The following GLI2 variants were observed in gnomAD, a reference collection of about 807,000 sequenced individuals.
GLI2 encodes the protein transcription activator GLI2.
A neutral mutation model predicts 78.9 loss-of-function variants in GLI2; 22 were observed. The ratio of observed to expected loss-of-function variants is 0.28; its 90% CI spans 0.20 to 0.40. The LOEUF is 0.40. GLI2 is among the 10% of genes least tolerant of loss of function. The pLI, the probability that GLI2 is intolerant of heterozygous loss-of-function variation, is 1.00. For synonymous variants in GLI2, 974 were observed against 963.7 expected (o/e 1.01, Z -0.20); for missense variants, 2,097 against 2,213.2 (o/e 0.95, Z 1.05).
chr2:120,866,088 T>C (rs942101788), intron 2 of GLI2, among the ~76,000 whole-genome samples: 2 of 152,250 alleles, frequency 1.3e-5, no homozygotes, highest in Admixed American at 6.5e-5. Context: ...GCTGATTTCT[T>C]GGCTTAAGAT....
rs558340192 is a variant in GLI2 at position 120,936,027 on chromosome 2, G to A, written c.254+8561G>A. Reference sequence around the variant, plus strand: ...GGGCGTGCAGTGGGGGAGGGGCTGCGGCAGGATCGGGATGAACTATTCGGT... The same window carrying A: ...GGGCGTGCAGTGGGGGAGGGGCTGCAGCAGGATCGGGATGAACTATTCGGT... On this transcript the variant is annotated intron_variant, in intron 3 of 13. Coordinates refer to ENST00000361492, the MANE Select transcript of GLI2 (RefSeq NM_001374353.1). 2.7e-3 allele frequency among the ~76,000 whole-genome samples: 409 copies of A among 152,222 alleles called. 1 individual carries two copies. Among genetic ancestry groups the A allele is most frequent in the African/African-American group, 8.7e-3 (363 of 41,530 alleles).
In GLI2 at chr2:120,797,476, C is replaced by A; in HGVS notation, c.148+8C>A. The A allele has an allele frequency of 6.2e-7, 1 of 1,612,964 alleles. No individual in the cohort carries two copies. Among genetic ancestry groups the A allele is most frequent in the Non-Finnish European group, 8.5e-7 (1 of 1,179,072 alleles). ...CGGTAGCTGCCCAAGGAGGTACTTT[C>A]TGTTTCGCACACTTGGAGGGCAGCA... On this transcript the variant is annotated splice_region_variant and intron_variant, in intron 2 of 13. Transcript: ENST00000361492.
At chr2:120,859,452 CTTTTTTTTTTT>C (rs57311162) in intron 2 of GLI2, among the ~76,000 whole-genome samples, 8 of 125,480 alleles carry the variant, frequency 6.4e-5, no homozygotes, top group Non-Finnish European at 8.3e-5. Context: ...ATACTCCCTC[CTTTTTTTTTTT>C]TTTTTTTTTT....
chr2:120,756,417 A>AT (rs1558781746), intron 1 of GLI2, among the ~76,000 whole-genome samples: 1 of 151,854 alleles, frequency 6.6e-6, no homozygotes, highest in African/African-American at 2.4e-5. Flanking sequence ...CTTTTTGTAG[A>AT]TTTTGTCAGA....
intron 3 of GLI2, among the ~76,000 whole-genome samples, chr2:120,935,787 C>T (rs1212627971): frequency 6.6e-6 from 1 of 152,172 alleles, no homozygotes; most frequent in African/African-American, 2.4e-5. Flanking sequence ...CGCTGGGCTG[C>T]GTGGGACAGA....
chr2:120,738,603 TG>T (rs1682437971), intron 1 of GLI2, among the ~76,000 whole-genome samples: 1 of 152,204 alleles, frequency 6.6e-6, no homozygotes, highest in Admixed American at 6.5e-5. Flanking sequence ...AGCCTTCAGT[TG>T]GGCTAGCATC....
chr2:120,920,137 C>T (rs547322059), intron 2 of GLI2, among the ~76,000 whole-genome samples: 24 of 152,362 alleles, frequency 1.6e-4, no homozygotes, highest in African/African-American at 5.8e-4. Flanking sequence ...GGAGATGGTG[C>T]TAATCTCTAG....
chr2:120,768,535 C>T (rs898346969), intron 1 of GLI2, among the ~76,000 whole-genome samples: 3 of 152,234 alleles, frequency 2.0e-5, no homozygotes, highest in African/African-American at 4.8e-5. Flanking sequence ...ACTTGTTGCA[C>T]AATGAGGGGC....
intron 2 of GLI2, among the ~76,000 whole-genome samples, 177 bp from the exon 3 acceptor site, chr2:120,927,184 A>C (rs769694092): frequency 1.9e-4 from 29 of 152,240 alleles, no homozygotes; most frequent in Non-Finnish European, 4.4e-5. Flanking sequence ...ATTCTCGGGC[A>C]GACTTTGATT....
rs1338461307 is a variant in GLI2, at chr2:120,990,621, C to T, written c.4656C>T (p.Ser1552=). 1 of 1,613,504 alleles carries T rather than the reference C, an allele frequency of 6.2e-7. No individual in the cohort carries two copies. Among genetic ancestry groups the T allele is most frequent in the Non-Finnish European group, 8.5e-7 (1 of 1,179,724 alleles). ...GCAACATGGCTGTCGGGGACATGAG[C>T]TCCATGCTCACCAGCCTCGCCGAGG... ...GISNMAVGDM[S]SMLTSLAEES... The change falls in exon 14 of 14, where the codon AGC becomes AGT. Residue 1552 remains serine (S), a synonymous_variant. Coordinates refer to ENST00000361492, the MANE Select transcript of GLI2 (RefSeq NM_001374353.1).
intron 2 of GLI2, among the ~76,000 whole-genome samples, chr2:120,866,221 C>G (rs1428694823): frequency 1.3e-5 from 2 of 152,182 alleles, no homozygotes; most frequent in Non-Finnish European, 1.5e-5. Flanking sequence ...AGCTTGGCCA[C>G]AGTCAGAGGG....
chr2:120,770,395 TC>T (rs1310500844), intron 1 of GLI2, among the ~76,000 whole-genome samples: 2 of 152,158 alleles, frequency 1.3e-5, no homozygotes, highest in Admixed American at 1.3e-4. Flanking sequence ...CTGTCTGTCT[TC>T]CCAGTTGGAC....
At chr2:120,938,649 T>G (rs4848650) in intron 3 of GLI2, among the ~76,000 whole-genome samples, 127,531 of 152,276 alleles carry the variant, frequency 0.84, 57,514 homozygotes, top group East Asian at 1. Context: ...GTCCGGGTCT[T>G]TGATGGGAAC....
At chr2:120,905,176 G>C (rs1307450781) in intron 2 of GLI2, among the ~76,000 whole-genome samples, 2 of 152,122 alleles carry the variant, frequency 1.3e-5, no homozygotes, top group Non-Finnish European at 2.9e-5. Flanking sequence ...CTGCAGTGAG[G>C]GGCTGTAAAA....
intron 5 of GLI2, 40 bp from the exon 6 acceptor site, chr2:120,968,674 C>A: frequency 7.6e-6 from 11 of 1,442,432 alleles, no homozygotes; most frequent in Non-Finnish European, 1.1e-5. Context: ...CTCCCCCATC[C>A]CCAGTGATGC....
intron 2 of GLI2, among the ~76,000 whole-genome samples, chr2:120,880,543 G>A (rs1677065507): frequency 6.6e-6 from 1 of 152,082 alleles, no homozygotes; most frequent in Non-Finnish European, 1.5e-5. Flanking sequence ...CGCAGGAGGG[G>A]AAACCAGGTC....
intron 2 of GLI2, among the ~76,000 whole-genome samples, chr2:120,877,438 G>A (rs568244716): frequency 5.3e-5 from 8 of 152,278 alleles, no homozygotes; most frequent in Non-Finnish European, 7.4e-5. Flanking sequence ...AATTTTTGTC[G>A]TTTGAACACA....
intron 2 of GLI2, among the ~76,000 whole-genome samples, chr2:120,896,280 A>T (rs1455842426): frequency 7.4e-6 from 1 of 135,690 alleles, no homozygotes; most frequent in Non-Finnish European, 1.6e-5. Context: ...GCCCCACCCC[A>T]GGCCTAGTGG....
chr2:120,855,097 G>T (rs906345040), intron 2 of GLI2, among the ~76,000 whole-genome samples: 10 of 152,328 alleles, frequency 6.6e-5, no homozygotes, highest in African/African-American at 2.4e-4. Flanking sequence ...ATAATAAAAA[G>T]CACAGCAAAT....
Sources: allele counts gnomAD v4.1 joint callset (sites outside exome capture counted in the v4.1 genomes callset), GRCh38; gene constraint gnomAD v4.1.1; transcripts MANE v1.5; gene names NCBI Gene and HGNC (gene_info 2026-07-23, HGNC 2026-07-21).